Variants in KIZ observed in about 807,000 individuals in gnomAD.
KIZ encodes the protein kizuna centrosomal protein.
A neutral mutation model predicts 79.6 loss-of-function variants in KIZ; 68 were observed. That is an observed-to-expected ratio of 0.85 (90% CI 0.70 to 1.05). KIZ has a LOEUF of 1.05. Among genes scored for constraint, KIZ ranks in the 50% least tolerant of loss-of-function variants. The pLI is 0.00. For missense variants in KIZ, 797 were observed against 800.4 expected (o/e 1.00, Z 0.05); for synonymous variants, 280 against 281.8 (o/e 0.99, Z 0.06).
chr20:21,155,157 C>G (rs1274180358), intron 4 of KIZ, among the ~76,000 whole-genome samples: 2 of 152,180 alleles, frequency 1.3e-5, no homozygotes, highest in African/African-American at 4.8e-5. Flanking sequence ...CAGTTTCATT[C>G]ATAGCATAGC....
chr20:21,223,634 A>G (rs962200401), intron 9 of KIZ, among the ~76,000 whole-genome samples: 2 of 151,938 alleles, frequency 1.3e-5, no homozygotes, highest in Non-Finnish European at 2.9e-5. Flanking sequence ...CAGAATTGCA[A>G]AAGCAGCCAT....
intron 6 of KIZ, among the ~76,000 whole-genome samples, chr20:21,171,886 A>G (rs185322681): frequency 2.0e-5 from 3 of 152,364 alleles, no homozygotes; most frequent in Admixed American, 1.3e-4. Flanking sequence ...TGAAGAAATT[A>G]TGTGTAGGTG....
chr20:21,154,622 T>C lies in KIZ; in HGVS notation c.406-7249T>C, dbSNP rs564442889. Among the ~76,000 whole-genome samples the C allele has an allele frequency of 4.6e-5, 7 of 152,368 alleles. No homozygotes were observed. The East Asian group carries it at 1.3e-3, about 29-fold the overall frequency. On this transcript the variant is annotated intron_variant, in intron 4 of 12. Transcript: ENST00000619189. ...AGGTGTGGAAAAGTTGGTCATTATG[T>C]CAGATCCTTAAATACTGATACATGC... is the stretch of plus-strand genomic sequence containing the variant.
chr20:21,227,532 TAAAAA>T (rs2036696537), intron 9 of KIZ, among the ~76,000 whole-genome samples: 1 of 152,198 alleles, frequency 6.6e-6, no homozygotes, highest in Admixed American at 6.5e-5. Flanking sequence ...TTTTATAAAA[TAAAAA>T]CAAAACAGGG....
intron 6 of KIZ, among the ~76,000 whole-genome samples, chr20:21,170,537 C>T (rs1005719565): frequency 7.2e-5 from 11 of 152,022 alleles, no homozygotes; most frequent in East Asian, 3.9e-4. Flanking sequence ...TACAGGCACA[C>T]GCCACCATGC....
Position 21,167,940 on chromosome 20 carries a change from CT to C in KIZ, c.1352+4784del, listed in dbSNP as rs1181112440. ...ATAGTTTCTTTTTTTTATTATTATACTTTAAGTTTTAGGGTACATGTGCACA... is the reference window on the plus strand; with the variant it reads ...ATAGTTTCTTTTTTTTATTATTATACTTAAGTTTTAGGGTACATGTGCACA... On this transcript the variant is annotated intron_variant, in intron 6 of 12. Coordinates refer to ENST00000619189, the MANE Select transcript of KIZ (RefSeq NM_018474.6). 2.0e-5 allele frequency among the ~76,000 whole-genome samples: 3 copies of C among 152,096 alleles called. No homozygotes were observed. In the East Asian group the frequency reaches 5.8e-4, roughly 29 times the overall value.
intron 6 of KIZ, among the ~76,000 whole-genome samples, chr20:21,175,668 A>G (rs1187738467): frequency 6.6e-6 from 1 of 152,200 alleles, no homozygotes. Context: ...GTATAGTAGC[A>G]GGAAACAATT....
intron 11 of KIZ, among the ~76,000 whole-genome samples, chr20:21,243,286 C>A (rs2037280158): frequency 1.3e-5 from 2 of 148,280 alleles, no homozygotes; most frequent in Admixed American, 6.9e-5. Context: ...GAAAATGATA[C>A]CTTAGTGGAG....
At chr20:21,217,247 A>G (rs2036330777) in intron 9 of KIZ, among the ~76,000 whole-genome samples, 1 of 152,150 alleles carries the variant, frequency 6.6e-6, no homozygotes, top group South Asian at 2.1e-4. Context: ...CATGAAATTC[A>G]TGTTTGAGAG....
At chr20:21,126,020 G>C (rs547258566), upstream of KIZ, 474 of 1,348,770 alleles carry the variant, frequency 3.5e-4, 2 homozygotes, top group African/African-American at 6.5e-3. Flanking sequence ...GCCCGGCGCG[G>C]TGTTTACCCG....
At chr20:21,176,179 G>A (rs187755471) in intron 6 of KIZ, among the ~76,000 whole-genome samples, 322 of 152,164 alleles carry the variant, frequency 2.1e-3, no homozygotes, top group African/African-American at 7.5e-3. Context: ...GTGTGGTGGC[G>A]GGTGCCTGTA....
rs553975343 is a variant in KIZ, at chr20:21,166,984, A to G, written c.1352+3825A>G. Among the ~76,000 whole-genome samples, 13 of 152,334 alleles carry G rather than the reference A, an allele frequency of 8.5e-5. No individual in the cohort carries two copies. In the East Asian group the frequency reaches 2.5e-3, roughly 29 times the overall value. ...TGTGGGAAAGACCACATGACAGGAAATGGCATGCAGCCTCTAGGGGCTAAG... is the reference window on the plus strand; with the variant it reads ...TGTGGGAAAGACCACATGACAGGAAGTGGCATGCAGCCTCTAGGGGCTAAG... On this transcript the variant is annotated intron_variant, in intron 6 of 12. Coordinates refer to ENST00000619189, the MANE Select transcript of KIZ (RefSeq NM_018474.6).
chr20:21,184,648 C>G (rs145572435), intron 6 of KIZ, among the ~76,000 whole-genome samples: 58 of 152,292 alleles, frequency 3.8e-4, no homozygotes, highest in Admixed American at 1.0e-3. Flanking sequence ...AGCTTGATAA[C>G]TGAGTGGGAA....
intron 4 of KIZ, among the ~76,000 whole-genome samples, chr20:21,149,859 G>A (rs370075027): frequency 2.2e-4 from 33 of 152,346 alleles, no homozygotes; most frequent in African/African-American, 7.0e-4. Context: ...AAGAGCAAGT[G>A]ACTTAGGTTG....
chr20:21,156,430 G>C (rs537146943), intron 4 of KIZ, among the ~76,000 whole-genome samples: 9 of 152,264 alleles, frequency 5.9e-5, no homozygotes, highest in African/African-American at 2.2e-4. Flanking sequence ...AAAAATTCCT[G>C]TTGCCTAATG....
intron 6 of KIZ, among the ~76,000 whole-genome samples, chr20:21,184,657 A>G (rs1440594377): frequency 6.6e-6 from 1 of 152,218 alleles, no homozygotes; most frequent in Admixed American, 6.5e-5. Flanking sequence ...ACTGAGTGGG[A>G]AAGCTTCCCT....
At chr20:21,205,077 C>T (rs1041716000) in intron 6 of KIZ, among the ~76,000 whole-genome samples, 3 of 152,028 alleles carry the variant, frequency 2.0e-5, no homozygotes, top group Non-Finnish European at 2.9e-5. Context: ...CCAGAGTTTA[C>T]GACCAGCCTG....
chr20:21,218,982 G>C (rs188112223), intron 9 of KIZ, among the ~76,000 whole-genome samples: 1 of 152,290 alleles, frequency 6.6e-6, no homozygotes, highest in Admixed American at 6.5e-5. Flanking sequence ...GGATCCTTCT[G>C]TGCGTCTTTA....
intron 9 of KIZ, among the ~76,000 whole-genome samples, chr20:21,227,304 G>A (rs2036688816): frequency 6.6e-6 from 1 of 152,158 alleles, no homozygotes; most frequent in Non-Finnish European, 1.5e-5. Flanking sequence ...CTGGAGTCAA[G>A]TGATTTACCT....
Sources: allele counts gnomAD v4.1 joint callset (sites outside exome capture counted in the v4.1 genomes callset), GRCh38; gene constraint gnomAD v4.1.1; transcripts MANE v1.5; gene names NCBI Gene and HGNC (gene_info 2026-07-23, HGNC 2026-07-21).